Variants in DLG2 observed in about 807,000 individuals in gnomAD.
DLG2 encodes the protein discs large MAGUK scaffold protein 2, also known as disks large homolog 2.
DLG2 carries 45 observed loss-of-function variants against 132.5 expected under a neutral mutation model. That is an observed-to-expected ratio of 0.34 (90% CI 0.27 to 0.44). The LOEUF is 0.44. DLG2 is among the 20% of genes least tolerant of loss of function. The pLI is 1.00. For missense variants in DLG2, 1,045 were observed against 1,196.9 expected, an observed-to-expected ratio of 0.87 and a Z score of 1.87; for synonymous variants, 424 against 419.6, an observed-to-expected ratio of 1.01 and a Z score of -0.13.
At chr11:83,783,296 A>G (rs1001789104) in intron 18 of DLG2, among the ~76,000 whole-genome samples, 1 of 152,222 alleles carries the variant, frequency 6.6e-6, no homozygotes, top group Non-Finnish European at 1.5e-5. Flanking sequence ...AGAAGTGAGT[A>G]AAATTGTGAT....
intron 3 of DLG2, among the ~76,000 whole-genome samples, chr11:85,401,987 ACT>A (rs2088175613): frequency 1.3e-5 from 2 of 151,480 alleles, no homozygotes; most frequent in South Asian, 4.2e-4. Flanking sequence ...TTAATAAAAA[ACT>A]ACTTTTAATT....
intron 7 of DLG2, among the ~76,000 whole-genome samples, chr11:84,257,609 A>G (rs923663259): frequency 1.3e-5 from 2 of 151,984 alleles, no homozygotes; most frequent in Non-Finnish European, 2.9e-5. Flanking sequence ...TTCAAACCCA[A>G]GCAATCTGGC....
intron 3 of DLG2, among the ~76,000 whole-genome samples, chr11:85,541,483 T>C (rs899349327): frequency 6.6e-6 from 1 of 150,742 alleles, no homozygotes; most frequent in African/African-American, 2.4e-5. Context: ...TTATGAATGT[T>C]TTATCTTTAA....
intron 6 of DLG2, among the ~76,000 whole-genome samples, chr11:84,755,687 T>A (rs1365896053): frequency 6.6e-6 from 1 of 152,218 alleles, no homozygotes; most frequent in Non-Finnish European, 1.5e-5. Context: ...CCTCCCGAAG[T>A]GCTGGGATTA....
rs571731921 is a variant in DLG2, at chr11:85,278,391, TG to T, written c.186+6828del. Among the ~76,000 whole-genome samples the T allele has an allele frequency of 1.7e-3, 259 of 152,208 alleles. 2 individuals carry two copies. Among genetic ancestry groups the T allele is most frequent in the African/African-American group, 6.0e-3 (250 of 41,532 alleles). On this transcript the variant is annotated intron_variant, in intron 4 of 27. Transcript: ENST00000376104. ...AGTGCCTGGGCAGATCACCTGAGGT[TG>T]GGAGTTTGAGACCAGCCTAACCAAC...
intron 4 of DLG2, among the ~76,000 whole-genome samples, chr11:85,161,732 A>T (rs1324984057): frequency 6.6e-6 from 1 of 152,178 alleles, no homozygotes; most frequent in African/African-American, 2.4e-5. Context: ...CATCATCCTG[A>T]AACAGCTGGA....
chr11:83,731,603 T>G (rs143097480), intron 18 of DLG2, among the ~76,000 whole-genome samples: 2 of 152,356 alleles, frequency 1.3e-5, no homozygotes, highest in East Asian at 3.9e-4. Flanking sequence ...AACACACATG[T>G]GCATATGTCT....
In DLG2 at chr11:83,521,048, C is replaced by T. The variant is rs948975737; in HGVS notation, c.2193+11660G>A. Reference sequence around the variant, plus strand: ...CCAAGAGCATGGGCAAAGGCTCAGGCGTCCTTGTTTTCCCCCAGGCCCTAG... The same window carrying T: ...CCAAGAGCATGGGCAAAGGCTCAGGTGTCCTTGTTTTCCCCCAGGCCCTAG... On this transcript the variant is annotated intron_variant, in intron 21 of 27. Transcript: ENST00000376104. 2.7e-4 allele frequency among the ~76,000 whole-genome samples: 41 copies of T among 152,296 alleles called. No individual in the cohort carries two copies. In the East Asian group the frequency reaches 5.0e-3, roughly 19 times the overall value.
At position 85,167,158 on chromosome 11, in the gene DLG2, A is replaced by G. The variant is rs80198960; in HGVS notation, c.187-12507T>C. Among the ~76,000 whole-genome samples, 91 of 152,288 alleles carry G rather than the reference A, an allele frequency of 6.0e-4. 1 individual carries two copies. The highest frequency in any genetic ancestry group is 2.1e-3 in the African/African-American group (88 of 41,582). On this transcript the variant is annotated intron_variant, in intron 4 of 27. Transcript: ENST00000376104. ...AAAATATATGTTAAAAAAGTTAAACAGAGTTCTACGATGCCAGGTCACTGG... is the reference window on the plus strand; with the variant it reads ...AAAATATATGTTAAAAAAGTTAAACGGAGTTCTACGATGCCAGGTCACTGG...
At chr11:85,593,503 T>C (rs1196834395) in intron 3 of DLG2, among the ~76,000 whole-genome samples, 1 of 152,174 alleles carries the variant, frequency 6.6e-6, no homozygotes, top group Non-Finnish European at 1.5e-5. Flanking sequence ...ATCTTGAGAA[T>C]CTCTCTTTTT....
chr11:84,650,577 A>G (rs2099680281), intron 6 of DLG2, among the ~76,000 whole-genome samples: 1 of 152,154 alleles, frequency 6.6e-6, no homozygotes, highest in Non-Finnish European at 1.5e-5. Context: ...AGTGACAGAC[A>G]CAGAGGGATT....
intron 3 of DLG2, among the ~76,000 whole-genome samples, chr11:85,454,043 C>G (rs2092339598): frequency 6.6e-6 from 1 of 151,742 alleles, no homozygotes; most frequent in African/African-American, 2.4e-5. Flanking sequence ...GTTTTCTGTT[C>G]CCAGGATAAT....
At chr11:85,416,255 T>G (rs2089836512) in intron 3 of DLG2, among the ~76,000 whole-genome samples, 1 of 152,190 alleles carries the variant, frequency 6.6e-6, no homozygotes, top group African/African-American at 2.4e-5. Flanking sequence ...TGGTTGTAGA[T>G]GTGTGACATT....
intron 3 of DLG2, among the ~76,000 whole-genome samples, chr11:85,303,980 G>A (rs533256336): frequency 1.3e-5 from 2 of 152,262 alleles, no homozygotes; most frequent in South Asian, 4.1e-4. Context: ...GTTATACATG[G>A]TTTTCAAAAA....
intron 7 of DLG2, among the ~76,000 whole-genome samples, chr11:84,415,289 G>C (rs2098925402): frequency 6.6e-6 from 1 of 151,940 alleles, no homozygotes; most frequent in South Asian, 2.1e-4. Flanking sequence ...AGAATCACAG[G>C]GTGTTAAGAA....
chr11:84,788,562 T>C (rs991163233), intron 6 of DLG2, among the ~76,000 whole-genome samples: 1 of 152,152 alleles, frequency 6.6e-6, no homozygotes, highest in Non-Finnish European at 1.5e-5. Context: ...AATGTAGTTA[T>C]AATACATTTT....
intron 6 of DLG2, among the ~76,000 whole-genome samples, chr11:84,637,700 C>T (rs2099643143): frequency 6.6e-6 from 1 of 152,212 alleles, no homozygotes; most frequent in Non-Finnish European, 1.5e-5. Flanking sequence ...CTCTAGACAT[C>T]GCAGCTCATT....
intron 4 of DLG2, among the ~76,000 whole-genome samples, chr11:85,158,816 A>C (rs2077800855): frequency 1.3e-5 from 2 of 152,116 alleles, no homozygotes. Flanking sequence ...TGTTTCTAGA[A>C]GTGAAATTGA....
At chr11:85,103,898 C>T (rs915570977) in intron 6 of DLG2, among the ~76,000 whole-genome samples, 26 of 151,770 alleles carry the variant, frequency 1.7e-4, no homozygotes, top group South Asian at 4.2e-4. Flanking sequence ...CATTAAAAAT[C>T]GGTATAGGAT....
Sources: gnomAD v4.1 joint callset for allele counts (sites outside exome capture counted in the v4.1 genomes callset) on GRCh38, gnomAD v4.1.1 for gene constraint, MANE v1.5 for transcripts, NCBI Gene and HGNC (gene_info 2026-07-23, HGNC 2026-07-21) for gene names.